The following DOCK3 variants were observed in gnomAD, a reference collection of about 807,000 sequenced individuals.
DOCK3 encodes dedicator of cytokinesis 3, also known as dedicator of cytokinesis protein 3.
In DOCK3, 60 loss-of-function variants were observed where a neutral mutation model predicts 265.6. That is an observed-to-expected ratio of 0.23 (90% CI 0.18 to 0.28). The LOEUF (loss-of-function observed/expected upper bound fraction) is 0.28. Among genes scored for constraint, DOCK3 ranks in the 10% least tolerant of loss-of-function variants. The pLI is 1.00. For missense variants in DOCK3, 1,981 were observed against 2,594.3 expected (o/e 0.76, Z 5.14); for synonymous variants, 881 against 938.0 (o/e 0.94, Z 1.11).
rs371666685 is a variant in DOCK3 at position 51,229,616 on chromosome 3, C to T, written c.1917+7C>T. 1 of 1,587,696 alleles carries T rather than the reference C, an allele frequency of 6.3e-7. No individual in the cohort carries two copies. The highest frequency in any genetic ancestry group is 1.2e-5 in the South Asian group (1 of 85,376). On this transcript the variant is annotated splice_region_variant and intron_variant, in intron 19 of 52. Transcript: ENST00000266037. ...TGGGGAGGAAATTGTTAAGGTATGT[C>T]TTCCATATAATTTAAACATACTGCA...
At chr3:50,999,528 G>C (rs1011612621) in intron 5 of DOCK3, among the ~76,000 whole-genome samples, 1 of 152,246 alleles carries the variant, frequency 6.6e-6, no homozygotes, top group South Asian at 2.1e-4. Flanking sequence ...TATACCCTAG[G>C]TTTTATCCAG....
At chr3:51,076,333 G>C (rs555117275) in intron 7 of DOCK3, among the ~76,000 whole-genome samples, 43 of 152,330 alleles carry the variant, frequency 2.8e-4, no homozygotes, top group Admixed American at 2.0e-3. Flanking sequence ...GTGGTGGCAT[G>C]CACCTGTAGG....
chr3:50,772,630 CATTT>C (rs1193107661), intron 1 of DOCK3, among the ~76,000 whole-genome samples: 1 of 152,024 alleles, frequency 6.6e-6, no homozygotes, highest in African/African-American at 2.4e-5. Context: ...AAATATGTAA[CATTT>C]ATATGTGCTA....
At chr3:50,845,604 A>G (rs554268129) in intron 3 of DOCK3, among the ~76,000 whole-genome samples, 5 of 152,232 alleles carry the variant, frequency 3.3e-5, no homozygotes, top group Non-Finnish European at 7.3e-5. Context: ...CATACGCCAA[A>G]GAAATCTAAG....
At chr3:51,160,504 G>A in intron 11 of DOCK3, 51 bp from the exon 12 acceptor site, 1 of 1,553,332 alleles carries the variant, frequency 6.4e-7, no homozygotes, top group Non-Finnish European at 8.7e-7. Context: ...GGTGATACTG[G>A]AGAGGAGCAT....
intron 5 of DOCK3, among the ~76,000 whole-genome samples, chr3:50,954,258 A>G (rs902307942): frequency 3.6e-4 from 55 of 152,144 alleles, no homozygotes; most frequent in African/African-American, 1.3e-3. Flanking sequence ...GGGTTCATCC[A>G]TATGGGTTCA....
Position 50,934,191 on chromosome 3 carries a change from C to T in DOCK3, c.315+114C>T. On this transcript the variant is annotated intron_variant, in intron 5 of 52. Transcript: ENST00000266037. ...TTCTGAATATTTGCAGTTTATCAAACATATGTTCTTAATATTTACTGAAAC... is the reference window on the plus strand; with the variant it reads ...TTCTGAATATTTGCAGTTTATCAAATATATGTTCTTAATATTTACTGAAAC... The T allele has an allele frequency of 5.3e-6, 4 of 748,866 alleles. No individual in the cohort carries two copies. The South Asian group carries it at 9.9e-5, about 18-fold the overall frequency. 46.4% of individuals were successfully genotyped at this position (748,866 alleles called of 1,614,324 possible). A position where few individuals can be genotyped will look rare whatever the true frequency, so the allele number is the denominator to read the frequency against.
intron 49 of DOCK3, among the ~76,000 whole-genome samples, chr3:51,366,704 G>C (rs912004050): frequency 6.6e-6 from 1 of 152,130 alleles, no homozygotes; most frequent in Non-Finnish European, 1.5e-5. Flanking sequence ...GTTCTCATTG[G>C]TTTCAAAGAA....
At chr3:51,355,397 C>A (rs1023979735) in intron 41 of DOCK3, among the ~76,000 whole-genome samples, 1 of 152,176 alleles carries the variant, frequency 6.6e-6, no homozygotes, top group African/African-American at 2.4e-5. Flanking sequence ...ACAGGGATAC[C>A]ACCTGTGCTG....
intron 2 of DOCK3, among the ~76,000 whole-genome samples, chr3:50,790,225 A>G (rs962800667): frequency 4.6e-5 from 7 of 152,218 alleles, no homozygotes; most frequent in Non-Finnish European, 1.0e-4. Context: ...TCTTGAAGAC[A>G]ACAGATGCAT....
intron 5 of DOCK3, among the ~76,000 whole-genome samples, chr3:50,981,318 C>A (rs1156571278): frequency 6.6e-6 from 1 of 152,078 alleles, no homozygotes; most frequent in Non-Finnish European, 1.5e-5. Flanking sequence ...TATCCGATAG[C>A]TTACTTATAT....
intron 5 of DOCK3, among the ~76,000 whole-genome samples, chr3:51,044,577 TAAA>T (rs200715535): frequency 1.4e-5 from 2 of 139,418 alleles, no homozygotes; most frequent in Admixed American, 7.0e-5. Context: ...TCACTGAACT[TAAA>T]AAAAAAAAAA....
At chr3:51,160,835 G>C in intron 12 of DOCK3, 133 bp downstream of exon 12, 1 of 1,127,156 alleles carries the variant, frequency 8.9e-7, no homozygotes, top group African/African-American at 1.6e-5. Flanking sequence ...CCAACACTTT[G>C]GGAGGCCAAG....
intron 12 of DOCK3, among the ~76,000 whole-genome samples, chr3:51,199,168 G>T (rs1479426955): frequency 6.6e-6 from 1 of 152,170 alleles, no homozygotes; most frequent in Non-Finnish European, 1.5e-5. Context: ...TCTCACTAGG[G>T]AGTGCCAGAC....
intron 3 of DOCK3, among the ~76,000 whole-genome samples, chr3:50,872,254 C>A (rs1163749630): frequency 6.6e-6 from 1 of 152,218 alleles, no homozygotes; most frequent in East Asian, 1.9e-4. Flanking sequence ...TTAGGGGGGA[C>A]CCCAAGTCTA....
chr3:51,098,027 G>A (rs1246228875), intron 9 of DOCK3, among the ~76,000 whole-genome samples: 1 of 152,152 alleles, frequency 6.6e-6, no homozygotes, highest in East Asian at 1.9e-4. Context: ...TGATCTCGCT[G>A]GGAGCTGCAG....
chr3:51,246,431 G>A (rs182946974), intron 21 of DOCK3, among the ~76,000 whole-genome samples: 5 of 152,008 alleles, frequency 3.3e-5, no homozygotes, highest in East Asian at 1.9e-4. Context: ...ATAAGGTTTC[G>A]CCATGTTCCC....
chr3:51,225,523 C>T (rs569367023), intron 14 of DOCK3, 126 bp from the exon 15 acceptor site: 23 of 1,419,916 alleles, frequency 1.6e-5, no homozygotes, highest in Non-Finnish European at 2.0e-5. Context: ...TCATTATTAA[C>T]CAAGCTTGGA....
At chr3:50,734,309 C>T (rs2038423551) in intron 1 of DOCK3, among the ~76,000 whole-genome samples, 1 of 151,974 alleles carries the variant, frequency 6.6e-6, no homozygotes, top group Non-Finnish European at 1.5e-5. Context: ...AGGAGTTCAG[C>T]CTGGGCAACA....
Sources: gnomAD v4.1 joint callset for allele counts (sites outside exome capture counted in the v4.1 genomes callset) on GRCh38, gnomAD v4.1.1 for gene constraint, MANE v1.5 for transcripts, NCBI Gene and HGNC (gene_info 2026-07-23, HGNC 2026-07-21) for gene names.